Variants in DGKI observed in about 807,000 individuals in gnomAD.
DGKI encodes DAG kinase iota.
A neutral mutation model predicts 147.5 loss-of-function variants in DGKI; 55 were observed. The observed-to-expected ratio is 0.37, with a 90% CI of 0.30 to 0.47. The LOEUF (loss-of-function observed/expected upper bound fraction) is 0.47. Among genes scored for constraint, DGKI ranks in the 20% least tolerant of loss-of-function variants. DGKI has a pLI of 1.00. For synonymous variants in DGKI, 469 were observed against 477.1 expected (o/e 0.98, Z 0.22); for missense variants, 1,007 against 1,323.8 (o/e 0.76, Z 3.71).
intron 20 of DGKI, among the ~76,000 whole-genome samples, chr7:137,541,010 A>C (rs1817682836): frequency 6.6e-6 from 1 of 152,204 alleles, no homozygotes. Flanking sequence ...TTTCTAGTAG[A>C]ATTTTTGGAG....
rs200760549 is a variant in DGKI at position 137,521,905 on chromosome 7, C to T, written c.2209G>A (p.Glu737Lys). Residue 737 changes from glutamate to lysine, a missense_variant, in exon 21 of 33, where the codon GAA (glutamate) becomes AAA (lysine). Glu to Lys is a moderately conservative substitution (Grantham distance 56). This residue lies in a region of DGKI where 385 missense variants were observed against 445.2 expected (regional missense o/e 0.86). Coordinates refer to ENST00000614521, the MANE Select transcript of DGKI (RefSeq NM_001321708.2). Reference protein sequence around the residue: ...RVNKISLQDYEGFHYDKEKLR... With the variant: ...RVNKISLQDYKGFHYDKEKLR... ...TTCTCCTTGTCATAGTGGAATCCTT[C>T]ATAGTCTTGTAAACTGATTTTGTTC... 6.2e-7 allele frequency: 1 copy of T among 1,612,156 alleles called. No individual in the cohort carries two copies. Among genetic ancestry groups the T allele is most frequent in the East Asian group, 2.2e-5 (1 of 44,822 alleles).
chr7:137,708,703 G>C (rs1461818254), intron 1 of DGKI, among the ~76,000 whole-genome samples: 1 of 152,146 alleles, frequency 6.6e-6, no homozygotes, highest in Non-Finnish European at 1.5e-5. Flanking sequence ...TATGATCTCA[G>C]GGGAAAAACC....
intron 1 of DGKI, among the ~76,000 whole-genome samples, chr7:137,698,545 C>T (rs1213296529): frequency 6.6e-6 from 1 of 152,088 alleles, no homozygotes; most frequent in Non-Finnish European, 1.5e-5. Context: ...GAGAGTATAA[C>T]CATGGCAGAG....
At chr7:137,777,105 T>C (rs1180907022) in intron 1 of DGKI, among the ~76,000 whole-genome samples, 2 of 152,086 alleles carry the variant, frequency 1.3e-5, no homozygotes, top group South Asian at 2.1e-4. Flanking sequence ...GAGCAGATGA[T>C]TGCTTAAGCC....
chr7:137,744,722 T>C (rs1795274938), intron 1 of DGKI, among the ~76,000 whole-genome samples: 1 of 152,190 alleles, frequency 6.6e-6, no homozygotes, highest in African/African-American at 2.4e-5. Flanking sequence ...AATCCTGGGA[T>C]GCAAGGATGG....
rs558839249 is a variant in DGKI, at chr7:137,428,799, A to G, written c.2761+15278T>C. On this transcript the variant is annotated intron_variant, in intron 28 of 32. Coordinates refer to ENST00000614521, the MANE Select transcript of DGKI (RefSeq NM_001321708.2). ...CCAAATCATGAGTGAACTCCCAGTC[A>G]CAATTGCTTCAAAGAGAATAAAATA... 1.9e-3 allele frequency among the ~76,000 whole-genome samples: 296 copies of G among 152,292 alleles called. 1 individual carries two copies. Among genetic ancestry groups the G allele is most frequent in the African/African-American group, 6.7e-3 (280 of 41,568 alleles).
intron 1 of DGKI, among the ~76,000 whole-genome samples, chr7:137,829,986 A>C (rs973423103): frequency 6.6e-6 from 1 of 152,070 alleles, no homozygotes; most frequent in Non-Finnish European, 1.5e-5. Context: ...AAAATGAGAG[A>C]GAGAGGGAAG....
In DGKI at chr7:137,388,489, ATATT is replaced by A. The variant is rs1201935039; in HGVS notation, c.*2727_*2730del. ...GTAGAAATGATATTTCTATAGGTAC[ATATT>A]TTTATGTCTGTTAAAGTTACATGGC... On this transcript the variant is annotated 3_prime_UTR_variant, in exon 33 of 33. Transcript: ENST00000614521. The A allele has an allele frequency of 2.0e-5, 3 of 152,110 alleles. No homozygotes were observed. Among genetic ancestry groups the A allele is most frequent in the African/African-American group, 7.2e-5 (3 of 41,424 alleles). 9.4% of individuals were successfully genotyped at this position (152,110 alleles called of 1,614,324 possible).
At chr7:137,579,927 A>C (rs529252244) in intron 15 of DGKI, among the ~76,000 whole-genome samples, 95 of 152,252 alleles carry the variant, frequency 6.2e-4, no homozygotes, top group African/African-American at 2.2e-3. Context: ...AAAGAGAAAA[A>C]TCACTTTCCC....
At chr7:137,430,493 ATGT>A (rs1813023885) in intron 28 of DGKI, among the ~76,000 whole-genome samples, 1 of 152,034 alleles carries the variant, frequency 6.6e-6, no homozygotes, top group Admixed American at 6.6e-5. Flanking sequence ...AGCATGGCAC[ATGT>A]ATACATATGT....
At chr7:137,478,464 G>A (rs1815254509) in intron 23 of DGKI, among the ~76,000 whole-genome samples, 1 of 152,182 alleles carries the variant, frequency 6.6e-6, no homozygotes. Context: ...GTGTAAGTGA[G>A]TGATAGTGAT....
intron 30 of DGKI, among the ~76,000 whole-genome samples, chr7:137,401,095 C>T (rs961861212): frequency 2.0e-4 from 30 of 152,146 alleles, no homozygotes; most frequent in Admixed American, 7.2e-4. Flanking sequence ...CAATGGGGAG[C>T]TATGCTTTAA....
At chr7:137,413,590 C>T (rs149713831) in intron 28 of DGKI, among the ~76,000 whole-genome samples, 1 of 152,276 alleles carries the variant, frequency 6.6e-6, no homozygotes, top group African/African-American at 2.4e-5. Flanking sequence ...CAGCTGCACC[C>T]ATGTTGTTAC....
chr7:137,661,672 T>C (rs1822439126), intron 3 of DGKI, among the ~76,000 whole-genome samples: 3 of 152,098 alleles, frequency 2.0e-5, no homozygotes, highest in Admixed American at 2.0e-4. Context: ...AAGGGGAAAC[T>C]GCAAGAGAGG....
chr7:137,718,189 G>A (rs1053796834), intron 1 of DGKI, among the ~76,000 whole-genome samples: 8 of 152,148 alleles, frequency 5.3e-5, no homozygotes, highest in African/African-American at 1.7e-4. Flanking sequence ...CCACTTTGTC[G>A]GACAGCATGT....
At chr7:137,683,327 A>G in intron 2 of DGKI, among the ~76,000 whole-genome samples, 1 of 151,306 alleles carries the variant, frequency 6.6e-6, no homozygotes, top group Admixed American at 6.6e-5. Context: ...TCACTCTTTT[A>G]TCCTTGTCAC....
intron 20 of DGKI, among the ~76,000 whole-genome samples, chr7:137,532,101 C>G (rs945228082): frequency 2.0e-5 from 3 of 151,732 alleles, no homozygotes; most frequent in Non-Finnish European, 2.9e-5. Context: ...AGCCAAAATT[C>G]ATGAAGCAAT....
At chr7:137,707,886 C>T (rs151177614) in intron 1 of DGKI, among the ~76,000 whole-genome samples, 1,534 of 152,288 alleles carry the variant, frequency 0.01, 38 homozygotes, top group African/African-American at 0.034. Context: ...AGGATGGTAG[C>T]GTCATGATCC....
rs189341989 is a variant in DGKI at position 137,774,181 on chromosome 7, T to A, written c.401+72281A>T. 3.6e-3 allele frequency among the ~76,000 whole-genome samples: 550 copies of A among 152,140 alleles called. 4 individuals carry two copies. Among genetic ancestry groups the A allele is most frequent in the African/African-American group, 0.013 (527 of 41,510 alleles). ...TATATAATTTTAAAATATAACAGAT[T>A]CAGGATTGAATAAAAAAGAAGTTAT... is the stretch of plus-strand genomic sequence containing the variant. On this transcript the variant is annotated intron_variant, in intron 1 of 32. Transcript: ENST00000614521.
Sources: gnomAD v4.1 joint callset for allele counts (sites outside exome capture counted in the v4.1 genomes callset) on GRCh38, gnomAD v4.1.1 for gene constraint, gnomAD v4.1.1 regional missense constraint, MANE v1.5 for transcripts, NCBI Gene and HGNC (gene_info 2026-07-23, HGNC 2026-07-21) for gene names.